The following ZNF558 variants were observed in gnomAD, a reference collection of about 807,000 sequenced individuals.
ZNF558 encodes zinc finger protein 558.
A neutral mutation model predicts 37.6 loss-of-function variants in ZNF558; 23 were observed. That is an observed-to-expected ratio of 0.61 (90% CI 0.44 to 0.87). The LOEUF is 0.87. ZNF558 is among the 40% of genes least tolerant of loss of function. The pLI, the probability that ZNF558 is intolerant of heterozygous loss-of-function variation, is 0.00. For missense variants in ZNF558, 429 were observed against 483.7 expected (o/e 0.89, Z 1.06); for synonymous variants, 189 against 174.4 (o/e 1.08, Z -0.66).
chr19:8,812,071 T>G lies in ZNF558; in HGVS notation c.427-8A>C. 1 of 1,540,838 alleles carries G rather than the reference T, an allele frequency of 6.5e-7. No individual in the cohort carries two copies. The highest frequency in any genetic ancestry group is 8.7e-7 in the Non-Finnish European group (1 of 1,147,616). The stretch of plus-strand genomic sequence containing the variant: ...TCCACGATGACTTCTTTCCTGTGGA[T>G]TAAGAGATGAATGATAACTATAATT... On this transcript the variant is annotated splice_region_variant and splice_polypyrimidine_tract_variant and intron_variant, in intron 9 of 9. Transcript: ENST00000601372.
chr19:8,835,649 C>T (rs114731116), upstream of ZNF558, among the ~76,000 whole-genome samples: 411 of 152,000 alleles, frequency 2.7e-3, 2 homozygotes, highest in African/African-American at 8.1e-3. Flanking sequence ...AGAGTTGCCA[C>T]GTGACCCAGC....
chr19:8,823,266 C>A (rs994065372), intron 4 of ZNF558, among the ~76,000 whole-genome samples: 7 of 151,576 alleles, frequency 4.6e-5, no homozygotes, highest in African/African-American at 1.7e-4. Flanking sequence ...CAACCTCCCT[C>A]CTCAACTTCC....
chr19:8,828,211 C>T (rs1346639233), intron 2 of ZNF558, among the ~76,000 whole-genome samples: 5 of 152,158 alleles, frequency 3.3e-5, no homozygotes, highest in Admixed American at 3.3e-4. Context: ...TAATAGTAAC[C>T]TAAAACAACA....
At chr19:8,832,062 A>G (rs1307126654) in intron 1 of ZNF558, 147 bp downstream of exon 1, 2 of 152,304 alleles carry the variant, frequency 1.3e-5, no homozygotes, top group Non-Finnish European at 2.9e-5. Flanking sequence ...AGGAGCAAGC[A>G]GCAGCTTCGT....
rs531748368 is a variant in ZNF558, at chr19:8,819,397, T to G, written c.247+1783A>C. Among the ~76,000 whole-genome samples, 605 of 151,840 alleles carry G rather than the reference T, an allele frequency of 4.0e-3. 2 individuals carry two copies. Among genetic ancestry groups the G allele is most frequent in the Middle Eastern group, 0.01 (3 of 294 alleles). ...GGCTTCACTAAGTTGGCCAGGCTGG[T>G]CTTGAACTCCTGACCTTAAGTGATC... is the stretch of plus-strand genomic sequence containing the variant. On this transcript the variant is annotated intron_variant, in intron 7 of 9. Coordinates refer to ENST00000601372, the MANE Select transcript of ZNF558 (RefSeq NM_144693.3).
chr19:8,825,492 G>A (rs2145283070), intron 2 of ZNF558, among the ~76,000 whole-genome samples: 1 of 152,180 alleles, frequency 6.6e-6, no homozygotes, highest in East Asian at 1.9e-4. Flanking sequence ...GGTATTCAGA[G>A]AGATTATCTC....
chr19:8,822,229 C>T lies in ZNF558; in HGVS notation c.32-138G>A, dbSNP rs2044112710. 1 of 1,001,498 alleles carries T rather than the reference C, an allele frequency of 1.0e-6. No homozygotes were observed. Among genetic ancestry groups the T allele is most frequent in the Non-Finnish European group, 1.5e-6 (1 of 683,676 alleles). 62.0% of individuals were successfully genotyped at this position (1,001,498 alleles called of 1,614,324 possible). A position where few individuals can be genotyped will look rare whatever the true frequency, so the allele number is the denominator to read the frequency against. Reference sequence around the variant, plus strand: ...GCCCACCTACGCTCCATGCAAACACCTACCCACAGCTCTCCTAAGATACCC... The same window carrying T: ...GCCCACCTACGCTCCATGCAAACACTTACCCACAGCTCTCCTAAGATACCC... On this transcript the variant is annotated intron_variant, in intron 5 of 9. Transcript: ENST00000601372. The surrounding 1 kb of genome is among the most constrained non-coding windows in gnomAD (Gnocchi z 4.4).
chr19:8,818,611 G>A (rs2044002083), intron 7 of ZNF558, among the ~76,000 whole-genome samples: 1 of 152,050 alleles, frequency 6.6e-6, no homozygotes, highest in African/African-American at 2.4e-5. Context: ...GCATTGCGAG[G>A]GATCTTGAAC....
rs1354775523 is a variant in ZNF558 at position 8,810,167 on chromosome 19, A to G, written c.*1114T>C. ...ATGTAGAAAAACAGAAAGCTCTCCA[A>G]TATTGATGATGTTCAATGGGGCATT... On this transcript the variant is annotated 3_prime_UTR_variant, in exon 10 of 10. Transcript: ENST00000601372. 1 of 152,212 alleles carries G rather than the reference A, an allele frequency of 6.6e-6. No homozygotes were observed. The highest frequency in any genetic ancestry group is 6.5e-5 in the Admixed American group (1 of 15,274). 9.4% of individuals were successfully genotyped at this position (152,212 alleles called of 1,614,324 possible).
At chr19:8,834,059 T>A (rs1402498640), upstream of ZNF558, among the ~76,000 whole-genome samples, 3 of 151,978 alleles carry the variant, frequency 2.0e-5, no homozygotes, top group South Asian at 2.1e-4. Context: ...AGGGAAAAAA[T>A]TTTATGTAAG....
chr19:8,821,421 G>T (rs550591109), intron 6 of ZNF558, 115 bp from the exon 7 acceptor site: 42 of 1,593,338 alleles, frequency 2.6e-5, no homozygotes, highest in African/African-American at 4.0e-5. Flanking sequence ...GAGATGTTGG[G>T]GGGGGTGGTT....
At position 8,809,765 on chromosome 19, in the gene ZNF558, TAA is replaced by T. The variant is rs2043739225; in HGVS notation, c.*1514_*1515del. Reference sequence around the variant, plus strand: ...AACAGCTATACACAAATGTTTATATTAAAAGAAAAAAAGACTAAAAAAATTAA... The same window carrying T: ...AACAGCTATACACAAATGTTTATATTAAGAAAAAAAGACTAAAAAAATTAA... On this transcript the variant is annotated 3_prime_UTR_variant, in exon 10 of 10. Transcript: ENST00000601372. 6.6e-6 allele frequency: 1 copy of T among 152,064 alleles called. No homozygotes were observed. Among genetic ancestry groups the T allele is most frequent in the Admixed American group, 6.5e-5 (1 of 15,268 alleles). The allele number at this position is 152,064 out of a possible 1,614,324, so 9.4% of individuals were successfully genotyped here.
Position 8,823,582 on chromosome 19 carries a change from G to T in ZNF558, c.-66+500C>A, listed in dbSNP as rs368324572. 2.7e-4 allele frequency among the ~76,000 whole-genome samples: 25 copies of T among 91,068 alleles called. No individual in the cohort carries two copies. The East Asian group carries it at 6.9e-3, about 25-fold the overall frequency. The allele number at this position is 91,068 out of a possible 152,430, so 59.7% of individuals were successfully genotyped here. A position where few individuals can be genotyped will look rare whatever the true frequency, so the allele number is the denominator to read the frequency against. ...GGTCACCCTGCTCCTGCCTGTGCTCGGCCTCAGTCACCCCCCTCCTGCCTC... is the reference window on the plus strand; with the variant it reads ...GGTCACCCTGCTCCTGCCTGTGCTCTGCCTCAGTCACCCCCCTCCTGCCTC... On this transcript the variant is annotated intron_variant, in intron 4 of 9. Transcript: ENST00000601372.
intron 7 of ZNF558, among the ~76,000 whole-genome samples, chr19:8,814,499 T>C (rs1467577152): frequency 6.6e-6 from 1 of 152,098 alleles, no homozygotes; most frequent in Non-Finnish European, 1.5e-5. Flanking sequence ...GGGAAAAAGA[T>C]GTTTGGGGAG....
At chr19:8,833,386 CA>C (rs1008937433), upstream of ZNF558, 4 of 152,172 alleles carry the variant, frequency 2.6e-5, no homozygotes, top group Admixed American at 1.3e-4. Context: ...CAAAGTCAGT[CA>C]AATATTCTCC....
chr19:8,806,872 GA>G lies in ZNF558; in HGVS notation c.*4408del, dbSNP rs1161716895. 6.6e-6 allele frequency: 1 copy of G among 151,992 alleles called. No homozygotes were observed. The highest frequency in any genetic ancestry group is 1.5e-5 in the Non-Finnish European group (1 of 68,004). 9.4% of individuals were successfully genotyped at this position (151,992 alleles called of 1,614,324 possible). ...TCTTCTTGCTTCCATAGTTTCTTTTGAAAAGTCATCATTAGTCTTACTGATG... is the reference window on the plus strand; with the variant it reads ...TCTTCTTGCTTCCATAGTTTCTTTTGAAAGTCATCATTAGTCTTACTGATG... On this transcript the variant is annotated 3_prime_UTR_variant, in exon 10 of 10. Coordinates refer to ENST00000601372, the MANE Select transcript of ZNF558 (RefSeq NM_144693.3).
At chr19:8,815,018 T>G (rs1460482644) in intron 7 of ZNF558, among the ~76,000 whole-genome samples, 1 of 151,176 alleles carries the variant, frequency 6.6e-6, no homozygotes, top group African/African-American at 2.4e-5. Flanking sequence ...TGGGGAAAAG[T>G]CTGATTCCCA....
chr19:8,827,022 C>G (rs199537309), intron 2 of ZNF558, among the ~76,000 whole-genome samples: 22 of 152,256 alleles, frequency 1.4e-4, no homozygotes, highest in African/African-American at 4.8e-4. Flanking sequence ...CTCCAGCCAG[C>G]TCACTGGGCC....
At chr19:8,835,247 T>A (rs2044443145), upstream of ZNF558, among the ~76,000 whole-genome samples, 1 of 152,144 alleles carries the variant, frequency 6.6e-6, no homozygotes, top group Non-Finnish European at 1.5e-5. Context: ...AGAGAGGGTT[T>A]TGCCATGTTG....
Sources: gnomAD v4.1 joint callset for allele counts (sites outside exome capture counted in the v4.1 genomes callset) on GRCh38, gnomAD v4.1.1 for gene constraint, Gnocchi (gnomAD v3.1) non-coding constraint, MANE v1.5 for transcripts, NCBI Gene and HGNC (gene_info 2026-07-23, HGNC 2026-07-21) for gene names.